Variants in POLN observed in about 807,000 individuals in gnomAD.
POLN encodes DNA polymerase N.
A neutral mutation model predicts 113.5 loss-of-function variants in POLN; 108 were observed. The ratio of observed to expected loss-of-function variants is 0.95; its 90% CI spans 0.81 to 1.12. POLN has a LOEUF of 1.12. Among genes scored for constraint, POLN ranks in the 50% most tolerant of loss-of-function variants. The pLI, the probability that POLN is intolerant of heterozygous loss-of-function variation, is 0.00. For missense variants in POLN, 1,097 were observed against 1,077.1 expected, an observed-to-expected ratio of 1.02 and a Z score of -0.26; for synonymous variants, 386 against 391.5, an observed-to-expected ratio of 0.99 and a Z score of 0.17.
intron 2 of POLN, chr4:2,238,693 G>A (rs1041683115): frequency 3.1e-6 from 5 of 1,612,898 alleles, no homozygotes; most frequent in South Asian, 1.1e-5. Flanking sequence ...CTAATTGCTT[G>A]TAGAGCATCA....
At chr4:2,218,579 C>T (rs1258175516) in intron 3 of POLN, among the ~76,000 whole-genome samples, 3 of 152,180 alleles carry the variant, frequency 2.0e-5, no homozygotes, top group East Asian at 3.8e-4. Context: ...ATGTTTTGGA[C>T]AGCAAGACAG....
At chr4:2,173,913 G>A (rs1732929585) in intron 11 of POLN, 42 bp downstream of exon 11, 2 of 1,566,348 alleles carry the variant, frequency 1.3e-6, no homozygotes, top group Middle Eastern at 1.7e-4. Context: ...TCTCATGCAG[G>A]AAAGAGATGG....
intron 13 of POLN, among the ~76,000 whole-genome samples, chr4:2,162,758 G>A (rs920654245): frequency 3.3e-5 from 5 of 151,818 alleles, no homozygotes; most frequent in Non-Finnish European, 7.4e-5. Flanking sequence ...TGCCCGGCCC[G>A]ATTTTATTTT....
At chr4:2,174,868 G>A in intron 9 of POLN, 117 bp from the exon 10 acceptor site, 2 of 704,608 alleles carry the variant, frequency 2.8e-6, no homozygotes, top group Non-Finnish European at 4.7e-6. Flanking sequence ...TGCTGCCCAG[G>A]TTGGAGTGCA....
chr4:2,191,265 T>C (rs1222736372), intron 7 of POLN, among the ~76,000 whole-genome samples: 1 of 152,176 alleles, frequency 6.6e-6, no homozygotes, highest in Non-Finnish European at 1.5e-5. Flanking sequence ...ATATCGCTCA[T>C]ATGTAGGAGC....
At chr4:2,166,785 G>A (rs955836853) in intron 13 of POLN, among the ~76,000 whole-genome samples, 1 of 152,098 alleles carries the variant, frequency 6.6e-6, no homozygotes, top group Non-Finnish European at 1.5e-5. Flanking sequence ...GAGTTACACC[G>A]TCAGCTTCCC....
At chr4:2,222,089 ACC>A (rs1402996710) in intron 3 of POLN, among the ~76,000 whole-genome samples, 1 of 152,076 alleles carries the variant, frequency 6.6e-6, no homozygotes, top group Non-Finnish European at 1.5e-5. Context: ...CTAAATTGAG[ACC>A]TGCCTGTTAT....
At chr4:2,189,328 A>C (rs181142408) in intron 7 of POLN, among the ~76,000 whole-genome samples, 2 of 152,376 alleles carry the variant, frequency 1.3e-5, no homozygotes, top group East Asian at 3.9e-4. Flanking sequence ...GAAATGCAAG[A>C]ATTAATATTG....
chr4:2,080,919 C>A (rs749500798), intron 23 of POLN, 39 bp downstream of exon 23: 11 of 1,613,366 alleles, frequency 6.8e-6, no homozygotes, highest in South Asian at 4.4e-5. Context: ...AGAATACTAA[C>A]CCTCCCATCC....
intron 19 of POLN, among the ~76,000 whole-genome samples, chr4:2,118,845 A>T (rs1731376739): frequency 6.6e-6 from 1 of 152,254 alleles, no homozygotes; most frequent in Non-Finnish European, 1.5e-5. Context: ...CACCATTTAC[A>T]ATGCAAGATG....
Position 2,136,983 on chromosome 4 carries a change from TGAGGCACCTGAGAGGTGCTGTGCA to T in POLN, c.1732-5717_1732-5694del, listed in dbSNP as rs1053885782. On this transcript the variant is annotated intron_variant, in intron 16 of 25. Coordinates refer to ENST00000511885, the MANE Select transcript of POLN (RefSeq NM_181808.4). ...GTCGCCCCACACGTGCCAGGCTGTG[TGAGGCACCTGAGAGGTGCTGTGCA>T]GAACAGCCACACGGCACTCTGCCCT... Among the ~76,000 whole-genome samples, 58 of 152,322 alleles carry T rather than the reference TGAGGCACCTGAGAGGTGCTGTGCA, an allele frequency of 3.8e-4. 1 individual carries two copies. Among genetic ancestry groups the T allele is most frequent in the African/African-American group, 1.4e-3 (57 of 41,584 alleles).
At chr4:2,194,779 C>A (rs1490414041) in intron 6 of POLN, among the ~76,000 whole-genome samples, 1 of 152,048 alleles carries the variant, frequency 6.6e-6, no homozygotes, top group African/African-American at 2.4e-5. Context: ...AAAGTCCTAG[C>A]TACTGGGGTG....
intron 1 of POLN, 23 bp downstream of exon 1, chr4:2,242,028 G>C: frequency 2.0e-6 from 2 of 985,578 alleles, no homozygotes; most frequent in Non-Finnish European, 1.2e-6. Flanking sequence ...CCTGCGCCCA[G>C]AACCGAGGCC....
intron 13 of POLN, among the ~76,000 whole-genome samples, chr4:2,167,665 G>A (rs199776427): frequency 5.3e-5 from 8 of 152,140 alleles, no homozygotes; most frequent in South Asian, 2.1e-4. Flanking sequence ...TTGGGAGGCC[G>A]AGGTGGGCAG....
rs1283369223 is a variant in POLN at position 2,157,883 on chromosome 4, T to C, written c.1640A>G (p.Asp547Gly). ...QVHKIKSTFV[D>G]GLLACMKKGS... is the part of the protein sequence containing the mutation. ...CTTTTTCATGCAAGCTAGTAATCCA[T>C]CTACAAAGGTTGACTTGATCTTGTG... Residue 547 changes from aspartate to glycine, a missense_variant, in exon 15 of 26, where the codon GAT (aspartate) becomes GGT (glycine). Asp to Gly is a moderately conservative substitution (Grantham distance 94). Transcript: ENST00000511885. 1.9e-6 allele frequency: 3 copies of C among 1,608,772 alleles called. No homozygotes were observed. Among genetic ancestry groups the C allele is most frequent in the Non-Finnish European group, 2.6e-6 (3 of 1,175,834 alleles).
intron 3 of POLN, among the ~76,000 whole-genome samples, chr4:2,225,982 C>T (rs1320921900): frequency 6.6e-6 from 1 of 151,746 alleles, no homozygotes; most frequent in East Asian, 1.9e-4. Context: ...GAGCAAGACC[C>T]TGTCTCGAAA....
intron 16 of POLN, among the ~76,000 whole-genome samples, chr4:2,136,935 C>T (rs1351273411): frequency 1.3e-5 from 2 of 152,240 alleles, no homozygotes; most frequent in Admixed American, 1.3e-4. Flanking sequence ...GCTGGCTCTC[C>T]TTGTCTTGAG....
chr4:2,077,862 G>A (rs537684127), intron 23 of POLN, among the ~76,000 whole-genome samples: 2 of 152,194 alleles, frequency 1.3e-5, no homozygotes, highest in Non-Finnish European at 2.9e-5. Flanking sequence ...TGTCGTCTCC[G>A]TGTGGGGTGG....
At chr4:2,239,388 T>C (rs1377967062) in intron 2 of POLN, among the ~76,000 whole-genome samples, 3 of 152,224 alleles carry the variant, frequency 2.0e-5, no homozygotes, top group African/African-American at 7.2e-5. Context: ...ATTACTTCAA[T>C]AGGTCCTAGT....
Sources: allele counts gnomAD v4.1 joint callset (sites outside exome capture counted in the v4.1 genomes callset), GRCh38; gene constraint gnomAD v4.1.1; transcripts MANE v1.5; gene names NCBI Gene and HGNC (gene_info 2026-07-23, HGNC 2026-07-21).